The following FRMD4A variants were observed in gnomAD, a reference collection of about 807,000 sequenced individuals.
The protein encoded by FRMD4A is FERM domain-containing protein 4A.
In FRMD4A, 29 loss-of-function variants were observed where a neutral mutation model predicts 129.1. The ratio of observed to expected loss-of-function variants is 0.22; its 90% confidence interval spans 0.17 to 0.31. FRMD4A has a LOEUF of 0.31. Among genes scored for constraint, FRMD4A ranks in the 10% least tolerant of loss-of-function variants. The pLI is 1.00. For synonymous variants in FRMD4A, 634 were observed against 571.6 expected (o/e 1.11, Z -1.56); for missense variants, 1,272 against 1,375.8 (o/e 0.92, Z 1.19).
rs1347624391 is a variant in FRMD4A, at chr10:13,657,283, G to C, written c.2306C>G (p.Ser769Cys). ...GGACGGCGAGTCCTCGGCCAGCGTG[G>C]AGTAGTTGGCGTTCATCTGCGCCGG... The part of the protein sequence containing the change: ...YYPAQMNANY[S>C]TLAEDSPSKA... Residue 769 changes from serine to cysteine, a missense_variant, in exon 22 of 25, where the codon TCC becomes TGC. Physicochemically the swap from Ser to Cys is moderately radical, Grantham distance 112. Transcript: ENST00000357447. The C allele has an allele frequency of 6.2e-7, 1 of 1,607,822 alleles. No individual in the cohort carries two copies. Among genetic ancestry groups the C allele is most frequent in the Non-Finnish European group, 8.5e-7 (1 of 1,178,894 alleles).
chr10:13,711,292 T>TCC (rs542626266), intron 12 of FRMD4A, among the ~76,000 whole-genome samples: 16 of 152,398 alleles, frequency 1.0e-4, no homozygotes, highest in Admixed American at 2.6e-4. Flanking sequence ...TACCTCACTC[T>TCC]GAGGCTGGCA....
At chr10:13,750,104 G>GAAAGAAAGAAAT (rs1197003000) in intron 8 of FRMD4A, among the ~76,000 whole-genome samples, 21 of 105,828 alleles carry the variant, frequency 2.0e-4, no homozygotes, top group East Asian at 7.0e-4. Context: ...AAGAAAGAAA[G>GAAAGAAAGAAAT]AAATGAAGAA....
intron 3 of FRMD4A, among the ~76,000 whole-genome samples, chr10:13,818,340 A>C (rs2093578158): frequency 2.0e-5 from 3 of 151,710 alleles, no homozygotes; most frequent in African/African-American, 4.9e-5. Context: ...ATTAAAAAAA[A>C]ATTTTTTTTT....
chr10:13,857,414 T>C (rs2131033335), intron 3 of FRMD4A, among the ~76,000 whole-genome samples: 1 of 152,262 alleles, frequency 6.6e-6, no homozygotes, highest in East Asian at 1.9e-4. Flanking sequence ...ATGCAAGAAA[T>C]ATAAATATGA....
intron 2 of FRMD4A, among the ~76,000 whole-genome samples, chr10:14,015,901 C>T (rs933340983): frequency 3.3e-5 from 5 of 152,204 alleles, no homozygotes; most frequent in Non-Finnish European, 7.3e-5. Context: ...GACTGAGGTA[C>T]AGAGACTGAA....
At chr10:13,832,947 C>A (rs988200654) in intron 3 of FRMD4A, among the ~76,000 whole-genome samples, 1 of 152,198 alleles carries the variant, frequency 6.6e-6, no homozygotes, top group Non-Finnish European at 1.5e-5. Context: ...GAATGAGCAT[C>A]TGGAAAGAAT....
intron 2 of FRMD4A, among the ~76,000 whole-genome samples, chr10:13,884,186 A>ACACACTCACT (rs2094586993): frequency 5.5e-5 from 6 of 109,646 alleles, no homozygotes; most frequent in African/African-American, 2.1e-4. Context: ...TCACACACAC[A>ACACACTCACT]CACACACACT....
At chr10:13,974,036 TTTTC>T (rs1451493424) in intron 2 of FRMD4A, among the ~76,000 whole-genome samples, 12 of 135,522 alleles carry the variant, frequency 8.9e-5, no homozygotes, top group Admixed American at 2.3e-4. Flanking sequence ...TTTTTTTTTT[TTTTC>T]TTTCTGGGAC....
At chr10:14,065,200 G>C (rs1266627589) in intron 2 of FRMD4A, among the ~76,000 whole-genome samples, 2 of 151,802 alleles carry the variant, frequency 1.3e-5, no homozygotes, top group African/African-American at 4.8e-5. Context: ...TCTTTTTTGA[G>C]AGATGGAGGA....
chr10:13,724,580 G>T (rs1239079490), intron 12 of FRMD4A, among the ~76,000 whole-genome samples: 6 of 152,154 alleles, frequency 3.9e-5, no homozygotes, highest in Admixed American at 3.9e-4. Context: ...ATAGCATTTG[G>T]TTTTGATTTG....
chr10:14,173,590 G>C (rs904393177), intron 2 of FRMD4A, among the ~76,000 whole-genome samples: 4 of 151,990 alleles, frequency 2.6e-5, no homozygotes, highest in Non-Finnish European at 4.4e-5. Flanking sequence ...GAGGAAAGAG[G>C]CTATTTCAAG....
intron 2 of FRMD4A, among the ~76,000 whole-genome samples, chr10:14,072,283 G>A (rs1342393199): frequency 6.6e-6 from 1 of 152,146 alleles, no homozygotes; most frequent in Non-Finnish European, 1.5e-5. Context: ...GCCTTGAGAA[G>A]TCAGAAGTTC....
At chr10:14,098,731 C>G (rs1016911528) in intron 2 of FRMD4A, among the ~76,000 whole-genome samples, 2 of 152,242 alleles carry the variant, frequency 1.3e-5, no homozygotes, top group Admixed American at 1.3e-4. Flanking sequence ...CAAGAACCCC[C>G]CAATCTAGTC....
intron 2 of FRMD4A, among the ~76,000 whole-genome samples, chr10:14,284,132 T>C (rs1845607045): frequency 6.6e-6 from 1 of 152,196 alleles, no homozygotes; most frequent in Admixed American, 6.6e-5. Context: ...ATTTAAATGA[T>C]TACTTATGTA....
intron 16 of FRMD4A, among the ~76,000 whole-genome samples, chr10:13,672,498 C>G (rs2083595061): frequency 6.6e-6 from 1 of 151,864 alleles, no homozygotes; most frequent in Admixed American, 6.6e-5. Context: ...GGATCTGTAA[C>G]TCTAAACTGT....
chr10:13,831,232 T>G (rs1329642315), intron 3 of FRMD4A, among the ~76,000 whole-genome samples: 1 of 152,216 alleles, frequency 6.6e-6, no homozygotes, highest in Non-Finnish European at 1.5e-5. Context: ...CTTCTTTGGA[T>G]GACATCAACT....
intron 2 of FRMD4A, among the ~76,000 whole-genome samples, chr10:13,921,577 A>T (rs1403376846): frequency 6.6e-6 from 1 of 152,146 alleles, no homozygotes; most frequent in Non-Finnish European, 1.5e-5. Flanking sequence ...CTCTTTTATA[A>T]GGGTACTAAT....
chr10:14,221,329 G>A (rs1272589361), intron 2 of FRMD4A, among the ~76,000 whole-genome samples: 1 of 152,154 alleles, frequency 6.6e-6, no homozygotes, highest in African/African-American at 2.4e-5. Flanking sequence ...AGGCTTTGGG[G>A]AAGGGAGCCA....
chr10:14,229,627 C>T (rs1843568289), intron 2 of FRMD4A, among the ~76,000 whole-genome samples: 1 of 152,074 alleles, frequency 6.6e-6, no homozygotes, highest in Non-Finnish European at 1.5e-5. Flanking sequence ...GATGTAGAGA[C>T]AGAGTCTCAG....
Sources: allele counts gnomAD v4.1 joint callset (sites outside exome capture counted in the v4.1 genomes callset), GRCh38; gene constraint gnomAD v4.1.1; transcripts MANE v1.5; gene names NCBI Gene and HGNC (gene_info 2026-07-23, HGNC 2026-07-21).